ATP2B1: variants seen among roughly 807,000 people sequenced by gnomAD.
ATP2B1 encodes the protein ATPase plasma membrane Ca2+ transporting 1, also known as plasma membrane calcium-transporting ATPase 1.
A neutral mutation model predicts 124.2 loss-of-function variants in ATP2B1; 14 were observed. The observed-to-expected ratio is 0.11, with a 90% CI of 0.07 to 0.18. ATP2B1 has a LOEUF of 0.18. ATP2B1 is among the 10% of genes least tolerant of loss of function. The pLI is 1.00. For synonymous variants in ATP2B1, 449 were observed against 492.4 expected (o/e 0.91, Z 1.17); for missense variants, 763 against 1,466.1 (o/e 0.52, Z 7.83).
intron 1 of ATP2B1, among the ~76,000 whole-genome samples, chr12:89,683,475 A>G (rs1592967177): frequency 6.6e-6 from 1 of 152,368 alleles, no homozygotes; most frequent in Non-Finnish European, 1.5e-5. Flanking sequence ...AGCTACAAAG[A>G]GAGGCCATGT....
At chr12:89,639,441 T>C (rs955359501) in intron 3 of ATP2B1, among the ~76,000 whole-genome samples, 1 of 151,864 alleles carries the variant, frequency 6.6e-6, no homozygotes, top group Non-Finnish European at 1.5e-5. Flanking sequence ...GAGATGGAGG[T>C]TGCAGTGAGC....
At chr12:89,707,096 C>A (rs1425211641) in intron 1 of ATP2B1, among the ~76,000 whole-genome samples, 1 of 151,948 alleles carries the variant, frequency 6.6e-6, no homozygotes, top group Non-Finnish European at 1.5e-5. Flanking sequence ...AGGAGGAGGA[C>A]CCAAATGAAA....
chr12:89,658,322 A>G (rs1321845602), intron 1 of ATP2B1, among the ~76,000 whole-genome samples: 1 of 152,068 alleles, frequency 6.6e-6, no homozygotes, highest in Non-Finnish European at 1.5e-5. Context: ...AACTAGACAT[A>G]TGTAGCTTCT....
chr12:89,699,361 T>C (rs1370329281), intron 1 of ATP2B1, among the ~76,000 whole-genome samples: 5 of 152,226 alleles, frequency 3.3e-5, no homozygotes, highest in South Asian at 2.1e-4. Context: ...ATAATTTAGC[T>C]TTTCAATAAA....
intron 19 of ATP2B1, 55 bp from the exon 20 acceptor site, chr12:89,599,354 G>T: frequency 6.4e-7 from 1 of 1,563,584 alleles, no homozygotes; most frequent in African/African-American, 1.4e-5. Context: ...AAGGTAAGCT[G>T]ATCAACTGTA....
intron 20 of ATP2B1, chr12:89,594,180 G>A (rs1185027248): frequency 6.6e-6 from 1 of 151,890 alleles, no homozygotes; most frequent in Non-Finnish European, 1.5e-5. Context: ...AGGAATCATC[G>A]AACCAGAGTT....
chr12:89,684,489 A>G (rs745993435), intron 1 of ATP2B1, among the ~76,000 whole-genome samples: 4 of 152,186 alleles, frequency 2.6e-5, no homozygotes, highest in African/African-American at 7.2e-5. Context: ...ATATATTTAT[A>G]CACAGCTATA....
intron 1 of ATP2B1, among the ~76,000 whole-genome samples, chr12:89,683,906 T>G (rs896581845): frequency 6.6e-6 from 1 of 152,308 alleles, no homozygotes; most frequent in South Asian, 2.1e-4. Context: ...AAGTTTTTCA[T>G]TGCAGCATTA....
chr12:89,611,045 C>T (rs1877912996), intron 13 of ATP2B1, 148 bp downstream of exon 13: 6 of 635,050 alleles, frequency 9.4e-6, no homozygotes, highest in Admixed American at 7.0e-5. Context: ...TCCCTTAGAA[C>T]ACTAGTATTT....
chr12:89,627,248 A>G (rs1264446139), intron 7 of ATP2B1, among the ~76,000 whole-genome samples: 1 of 152,192 alleles, frequency 6.6e-6, no homozygotes, highest in Non-Finnish European at 1.5e-5. Flanking sequence ...AAACTGTTTC[A>G]TGCACAAAAT....
chr12:89,598,822 A>G, intron 20 of ATP2B1: 1 of 1,542,116 alleles, frequency 6.5e-7, no homozygotes. Flanking sequence ...CCATCTATCA[A>G]CATATAAAAA....
At chr12:89,660,870 A>T (rs1049711209) in intron 1 of ATP2B1, among the ~76,000 whole-genome samples, 5 of 152,216 alleles carry the variant, frequency 3.3e-5, no homozygotes, top group Non-Finnish European at 5.9e-5. Context: ...TTTTAAAACA[A>T]GAGGAAAAGA....
intron 2 of ATP2B1, among the ~76,000 whole-genome samples, chr12:89,649,523 T>A (rs767116676): frequency 5.3e-5 from 8 of 152,210 alleles, no homozygotes; most frequent in Non-Finnish European, 8.8e-5. Flanking sequence ...CACAACTGCA[T>A]CTTGGAGTAA....
In ATP2B1 at chr12:89,672,100, G is replaced by A. The variant is rs114595858; in HGVS notation, c.-221-15993C>T. Among the ~76,000 whole-genome samples, 939 of 152,268 alleles carry A rather than the reference G, an allele frequency of 6.2e-3. 15 individuals are homozygous for A. Among genetic ancestry groups the A allele is most frequent in the African/African-American group, 0.022 (918 of 41,560 alleles). The stretch of plus-strand genomic sequence containing the variant: ...AAAATTCTAATTCTGACTCTGCTGT[G>A]CTAGCACTTAATCCTAAGCAAATTG... On this transcript the variant is annotated intron_variant, in intron 1 of 20. Transcript: ENST00000428670.
intron 1 of ATP2B1, among the ~76,000 whole-genome samples, chr12:89,678,543 C>A (rs1472047998): frequency 6.6e-6 from 1 of 152,136 alleles, no homozygotes; most frequent in Non-Finnish European, 1.5e-5. Flanking sequence ...TGGTCACACA[C>A]AGAGTAAGAT....
At chr12:89,604,049 C>T in intron 16 of ATP2B1, 106 bp downstream of exon 16, 1 of 1,405,146 alleles carries the variant, frequency 7.1e-7, no homozygotes, top group African/African-American at 1.5e-5. Flanking sequence ...ATTAACTAAC[C>T]TAAAATATTA....
At chr12:89,601,066 C>T (rs1170616054) in intron 19 of ATP2B1, among the ~76,000 whole-genome samples, 2 of 151,548 alleles carry the variant, frequency 1.3e-5, no homozygotes, top group African/African-American at 2.4e-5. Context: ...TTTTAAAAAC[C>T]GCTACAAAAC....
intron 1 of ATP2B1, among the ~76,000 whole-genome samples, chr12:89,658,646 A>AGAGAGAGAGAGAGG: frequency 1.5e-5 from 2 of 136,216 alleles, no homozygotes; most frequent in South Asian, 4.4e-4. Context: ...AGAGAGAGAG[A>AGAGAGAGAGAGAGG]GATAGAGATA....
chr12:89,611,057 G>T, intron 13 of ATP2B1, 136 bp downstream of exon 13: 2 of 717,482 alleles, frequency 2.8e-6, no homozygotes, highest in African/African-American at 1.8e-5. Flanking sequence ...CTAGTATTTT[G>T]CTTCCTAAGG....
Sources: gnomAD v4.1 joint callset for allele counts (sites outside exome capture counted in the v4.1 genomes callset) on GRCh38, gnomAD v4.1.1 for gene constraint, MANE v1.5 for transcripts, NCBI Gene and HGNC (gene_info 2026-07-23, HGNC 2026-07-21) for gene names.